Variants in ATP11B observed in about 807,000 individuals in gnomAD.
The protein encoded by ATP11B is phospholipid-transporting ATPase IF.
In ATP11B, 81 loss-of-function variants were observed where a neutral mutation model predicts 157.8. That is an observed-to-expected ratio of 0.51 (90% CI 0.43 to 0.62). ATP11B has a LOEUF of 0.62. Among genes scored for constraint, ATP11B ranks in the 20% least tolerant of loss-of-function variants. ATP11B has a pLI of 0.00. For synonymous variants in ATP11B, 451 were observed against 469.4 expected (o/e 0.96, Z 0.51); for missense variants, 1,165 against 1,402.2 (o/e 0.83, Z 2.70).
At chr3:182,858,632 G>A (rs537438776) in intron 11 of ATP11B, among the ~76,000 whole-genome samples, 6 of 152,132 alleles carry the variant, frequency 3.9e-5, no homozygotes, top group Middle Eastern at 3.4e-3. Flanking sequence ...TCACAATTAG[G>A]TACATTTCCT....
chr3:182,877,546 G>T lies in ATP11B; in HGVS notation c.2253-1950G>T, dbSNP rs190188629. On this transcript the variant is annotated intron_variant, in intron 19 of 29. Transcript: ENST00000323116. The stretch of plus-strand genomic sequence containing the variant: ...AGTCCCAGCGTCTTGGGAGGCTGAG[G>T]TGGGAGGATGTATTGAATCAGGGAG... Among the ~76,000 whole-genome samples, 1,121 of 152,298 alleles carry T rather than the reference G, an allele frequency of 7.4e-3. 8 individuals are homozygous for T. Among genetic ancestry groups the T allele is most frequent in the Non-Finnish European group, 0.012 (791 of 68,020 alleles).
chr3:182,820,589 A>G (rs1717271034), intron 2 of ATP11B, among the ~76,000 whole-genome samples: 2 of 152,266 alleles, frequency 1.3e-5, no homozygotes, highest in South Asian at 4.1e-4. Context: ...GGCTGGCTTC[A>G]GCCTGGGAAG....
intron 1 of ATP11B, among the ~76,000 whole-genome samples, chr3:182,795,773 C>T (rs1715561540): frequency 6.6e-6 from 1 of 152,050 alleles, no homozygotes; most frequent in African/African-American, 2.4e-5. Context: ...TTTTGCTATC[C>T]CAGTCATAGA....
chr3:182,807,911 A>G (rs1185164015), intron 1 of ATP11B, among the ~76,000 whole-genome samples: 3 of 152,296 alleles, frequency 2.0e-5, no homozygotes, highest in Admixed American at 6.5e-5. Flanking sequence ...ATACTTATAA[A>G]TTGAATTATA....
chr3:182,802,943 C>T (rs1160388615), intron 1 of ATP11B, among the ~76,000 whole-genome samples: 1 of 152,116 alleles, frequency 6.6e-6, no homozygotes, highest in Non-Finnish European at 1.5e-5. Context: ...ATATTTGTTG[C>T]TAGGCTTTGG....
chr3:182,816,297 A>G (rs921315230), intron 1 of ATP11B, among the ~76,000 whole-genome samples: 8 of 152,230 alleles, frequency 5.3e-5, no homozygotes, highest in African/African-American at 1.7e-4. Flanking sequence ...GATCTATCTC[A>G]GGTCCTTTGC....
intron 1 of ATP11B, among the ~76,000 whole-genome samples, chr3:182,794,205 C>T (rs1715448784): frequency 2.0e-5 from 3 of 152,128 alleles, no homozygotes; most frequent in South Asian, 2.1e-4. Context: ...CAATTTGGGA[C>T]GTGTTTGGGT....
chr3:182,853,494 A>G (rs1350584727), intron 10 of ATP11B, among the ~76,000 whole-genome samples: 1 of 152,158 alleles, frequency 6.6e-6, no homozygotes, highest in Non-Finnish European at 1.5e-5. Flanking sequence ...TGCCCGGCCA[A>G]TAAATCATTT....
At chr3:182,859,468 C>T (rs1264326589) in intron 12 of ATP11B, 109 bp downstream of exon 12, 2 of 921,546 alleles carry the variant, frequency 2.2e-6, no homozygotes, top group Non-Finnish European at 3.1e-6. Flanking sequence ...CCAAAAACAA[C>T]CCCCCTTTGC....
At position 182,845,009 on chromosome 3, in the gene ATP11B, T is replaced by TTTTTTTTTTTTTTTTTTTTTTA. The variant is rs1560081876; in HGVS notation, c.705-443_705-442insTTTTTTTTTTTTTTTATTTTTT. ...TTTTTTTTTTATTTTTTTTTTTATT[T>TTTTTTTTTTTTTTTTTTTTTTA]TTTTTTATTTTTGAGATGGAGTCTC... On this transcript the variant is annotated intron_variant, in intron 8 of 29. Coordinates refer to ENST00000323116, the MANE Select transcript of ATP11B (RefSeq NM_014616.3). Among the ~76,000 whole-genome samples, 3 of 112,090 alleles carry TTTTTTTTTTTTTTTTTTTTTTA rather than the reference T, an allele frequency of 2.7e-5. 1 individual carries two copies. Among genetic ancestry groups the TTTTTTTTTTTTTTTTTTTTTTA allele is most frequent in the Non-Finnish European group, 1.7e-5 (1 of 57,386 alleles). The allele number at this position is 112,090 out of a possible 152,430, so 73.5% of individuals were successfully genotyped here.
chr3:182,818,935 A>G (rs928848944), intron 1 of ATP11B, among the ~76,000 whole-genome samples: 2 of 151,426 alleles, frequency 1.3e-5, no homozygotes, highest in Non-Finnish European at 2.9e-5. Flanking sequence ...AAAAAAAGAA[A>G]AAAAGAAAAA....
At position 182,885,936 on chromosome 3, in the gene ATP11B, A is replaced by T; in HGVS notation, c.2656-15A>T. ...TAAATATTTTAATTATTTTCCATTT[A>T]ATCTTGTTTTTCAGAATGTGTGCTT... On this transcript the variant is annotated splice_polypyrimidine_tract_variant and intron_variant, in intron 22 of 29. Coordinates refer to ENST00000323116, the MANE Select transcript of ATP11B (RefSeq NM_014616.3). 6.8e-7 allele frequency: 1 copy of T among 1,477,286 alleles called. No individual in the cohort carries two copies. Among genetic ancestry groups the T allele is most frequent in the South Asian group, 1.4e-5 (1 of 71,878 alleles). The allele number at this position is 1,477,286 out of a possible 1,614,324, so 91.5% of individuals were successfully genotyped here.
intron 21 of ATP11B, among the ~76,000 whole-genome samples, chr3:182,882,821 C>G (rs1722519587): frequency 6.6e-6 from 1 of 151,790 alleles, no homozygotes; most frequent in Non-Finnish European, 1.5e-5. Context: ...AAAGTATTAA[C>G]AAATTAATGA....
chr3:182,853,396 A>G (rs976181736), intron 10 of ATP11B, among the ~76,000 whole-genome samples: 1 of 152,026 alleles, frequency 6.6e-6, no homozygotes. Flanking sequence ...TTTAGTAGAG[A>G]CAGGGTTTCA....
intron 2 of ATP11B, among the ~76,000 whole-genome samples, chr3:182,821,893 A>T (rs751717175): frequency 6.6e-6 from 1 of 152,190 alleles, no homozygotes; most frequent in Non-Finnish European, 1.5e-5. Flanking sequence ...AGCAACTAAC[A>T]TCTTTTCTCT....
chr3:182,866,842 GTAAT>G (rs1025670036), intron 14 of ATP11B, among the ~76,000 whole-genome samples: 3 of 101,592 alleles, frequency 3.0e-5, no homozygotes, highest in African/African-American at 8.1e-5. Flanking sequence ...AAATATGTAA[GTAAT>G]AAATAAAAAT....
chr3:182,899,719 G>A (rs532223845), intron 28 of ATP11B, among the ~76,000 whole-genome samples: 2 of 152,030 alleles, frequency 1.3e-5, no homozygotes, highest in Non-Finnish European at 2.9e-5. Flanking sequence ...GTAAAATTAT[G>A]ATAGAAATAC....
intron 19 of ATP11B, among the ~76,000 whole-genome samples, chr3:182,879,119 A>C (rs1291980246): frequency 1.3e-5 from 2 of 152,188 alleles, no homozygotes; most frequent in Non-Finnish European, 2.9e-5. Context: ...CTAAAATAAC[A>C]AAAATTAGCC....
intron 4 of ATP11B, among the ~76,000 whole-genome samples, chr3:182,832,398 G>C (rs1718220141): frequency 6.6e-6 from 1 of 152,124 alleles, no homozygotes; most frequent in Admixed American, 6.5e-5. Context: ...TTGACACTCA[G>C]AGTTTTCTCT....
Sources: gnomAD v4.1 joint callset for allele counts (sites outside exome capture counted in the v4.1 genomes callset) on GRCh38, gnomAD v4.1.1 for gene constraint, MANE v1.5 for transcripts, NCBI Gene and HGNC (gene_info 2026-07-23, HGNC 2026-07-21) for gene names.